The following PDE8A variants were observed in gnomAD, a reference collection of about 807,000 sequenced individuals.
PDE8A encodes the protein high affinity cAMP-specific and IBMX-insensitive 3',5'-cyclic phosphodiesterase 8A.
Under a neutral mutation model 105.0 loss-of-function variants are expected in PDE8A, and 59 were observed. The observed-to-expected ratio is 0.56, with a 90% confidence interval of 0.46 to 0.70. PDE8A has a LOEUF of 0.70. PDE8A is among the 30% of genes least tolerant of loss of function. The pLI, the probability that PDE8A is intolerant of heterozygous loss-of-function variation, is 0.00. For synonymous variants in PDE8A, 355 were observed against 371.9 expected (o/e 0.95, Z 0.52); for missense variants, 1,014 against 1,045.9 (o/e 0.97, Z 0.42).
chr15:85,119,504 A>G (rs1401675685), intron 17 of PDE8A, among the ~76,000 whole-genome samples: 1 of 149,200 alleles, frequency 6.7e-6, no homozygotes, highest in East Asian at 2.0e-4. Flanking sequence ...TGTAATTCAC[A>G]TACCATACTA....
intron 1 of PDE8A, among the ~76,000 whole-genome samples, chr15:85,014,231 C>G (rs893323139): frequency 1.1e-4 from 16 of 152,032 alleles, no homozygotes; most frequent in African/African-American, 3.4e-4. Context: ...AATGCAGCCT[C>G]GAACTCCTGG....
intron 3 of PDE8A, among the ~76,000 whole-genome samples, 166 bp downstream of exon 3, chr15:85,067,370 T>C (rs1222830746): frequency 6.6e-6 from 1 of 152,228 alleles, no homozygotes; most frequent in South Asian, 2.1e-4. Flanking sequence ...GCATATCTCT[T>C]TTGTTTTGTC....
Position 85,120,948 on chromosome 15 carries a change from A to G in PDE8A, c.1886A>G (p.His629Arg), listed in dbSNP as rs1051356617. Residue 629 changes from histidine to arginine, a missense_variant, in exon 18 of 22, where the codon CAT becomes CGT. By Grantham distance (29) the His-to-Arg change is conservative. Transcript: ENST00000394553. ...YNDTAVLESH[H>R]AALAFQLTTG... ...GACACTGCTGTGCTGGAGAGCCACC[A>G]TGCGGCCTTGGCCTTCCAGCTGACC... The G allele has an allele frequency of 5.6e-6, 9 of 1,614,176 alleles. No homozygotes were observed. Among genetic ancestry groups the G allele is most frequent in the Non-Finnish European group, 7.6e-6 (9 of 1,180,008 alleles).
intron 11 of PDE8A, among the ~76,000 whole-genome samples, chr15:85,104,231 G>A (rs1181900983): frequency 2.6e-5 from 4 of 152,164 alleles, no homozygotes; most frequent in African/African-American, 7.2e-5. Context: ...TGAATATGCT[G>A]TGGTTTGTAG....
chr15:85,010,435 A>G (rs2080221031), intron 1 of PDE8A, among the ~76,000 whole-genome samples: 1 of 152,194 alleles, frequency 6.6e-6, no homozygotes, highest in African/African-American at 2.4e-5. Context: ...TGGAAACCTT[A>G]TCTGATAAGC....
At chr15:85,025,389 T>G (rs2080498563) in intron 1 of PDE8A, among the ~76,000 whole-genome samples, 2 of 151,704 alleles carry the variant, frequency 1.3e-5, no homozygotes, top group South Asian at 4.2e-4. Flanking sequence ...TTCCTGGGAG[T>G]CCTGTCCTAT....
At chr15:85,034,871 C>G (rs1376763682) in intron 1 of PDE8A, among the ~76,000 whole-genome samples, 1 of 152,068 alleles carries the variant, frequency 6.6e-6, no homozygotes, top group Admixed American at 6.6e-5. Context: ...TTAATTTCAT[C>G]ATTTTCATGG....
chr15:85,016,828 T>C (rs2080332276), intron 1 of PDE8A, among the ~76,000 whole-genome samples: 1 of 152,236 alleles, frequency 6.6e-6, no homozygotes, highest in Admixed American at 6.5e-5. Flanking sequence ...CTTGTGGTTT[T>C]TTGGGAGTGT....
chr15:84,982,113 C>G lies in PDE8A; in HGVS notation c.-50C>G. Reference sequence around the variant, plus strand: ...CCGGAGGCGCCGGGTGGGCCGTTTGCTGACCGGATCGCGGCTACCCGCCAG... The same window carrying G: ...CCGGAGGCGCCGGGTGGGCCGTTTGGTGACCGGATCGCGGCTACCCGCCAG... On this transcript the variant is annotated 5_prime_UTR_variant, in exon 1 of 22. Transcript: ENST00000394553. The G allele has an allele frequency of 8.3e-7, 1 of 1,207,758 alleles. No homozygotes were observed. The highest frequency in any genetic ancestry group is 1.0e-6 in the Non-Finnish European group (1 of 964,396). The allele number at this position is 1,207,758 out of a possible 1,614,324, so 74.8% of individuals were successfully genotyped here.
chr15:85,011,119 CTA>C (rs2080232416), intron 1 of PDE8A, among the ~76,000 whole-genome samples: 1 of 152,112 alleles, frequency 6.6e-6, no homozygotes, highest in Admixed American at 6.6e-5. Flanking sequence ...TAAATATCCT[CTA>C]TGTTGATTTT....
At chr15:85,000,706 C>G (rs146460230) in intron 1 of PDE8A, among the ~76,000 whole-genome samples, 2 of 152,338 alleles carry the variant, frequency 1.3e-5, no homozygotes, top group East Asian at 3.9e-4. Context: ...TCCTCCCCAC[C>G]AGGTCCATTT....
At chr15:85,072,070 T>C (rs2081319646) in intron 3 of PDE8A, among the ~76,000 whole-genome samples, 1 of 152,198 alleles carries the variant, frequency 6.6e-6, no homozygotes, top group Admixed American at 6.5e-5. Flanking sequence ...AAATCTATGT[T>C]GAATGCAGAA....
At chr15:85,121,358 G>A (rs892150999) in intron 18 of PDE8A, among the ~76,000 whole-genome samples, 3 of 90,486 alleles carry the variant, frequency 3.3e-5, no homozygotes, top group African/African-American at 5.3e-5. Context: ...CTGAGGCTGC[G>A]GCTGCAGTGA....
Position 85,067,016 on chromosome 15 carries a change from A to G in PDE8A, c.246A>G (p.Val82=). ...GTGTTTGTGCTCTTTTGATTCAGGTACTTTTAGTGTTTACCAAAGAAGATA... is the reference window on the plus strand; with the variant it reads ...GTGTTTGTGCTCTTTTGATTCAGGTGCTTTTAGTGTTTACCAAAGAAGATA... ...PMRFHQDQLQ[V]LLVFTKEDNQ... Residue 82 remains valine (V), a splice_region_variant and synonymous_variant, in exon 3 of 22, where the codon GTA becomes GTG. Coordinates refer to ENST00000394553, the MANE Select transcript of PDE8A (RefSeq NM_002605.3). The G allele has an allele frequency of 1.3e-6, 2 of 1,584,802 alleles. No homozygotes were observed. Among genetic ancestry groups the G allele is most frequent in the Non-Finnish European group, 1.7e-6 (2 of 1,166,030 alleles).
chr15:85,075,950 A>T, intron 4 of PDE8A, 32 bp downstream of exon 4: 1 of 1,246,908 alleles, frequency 8.0e-7, no homozygotes, highest in Non-Finnish European at 1.2e-6. Context: ...GTTGAAATTG[A>T]GGTACCAGTG....
chr15:85,025,589 C>T (rs72757023), intron 1 of PDE8A, among the ~76,000 whole-genome samples: 3 of 152,276 alleles, frequency 2.0e-5, no homozygotes, highest in South Asian at 2.1e-4. Context: ...TATCATCCCC[C>T]CTCTTTTTTA....
At chr15:84,991,225 G>A (rs1596411221) in intron 1 of PDE8A, among the ~76,000 whole-genome samples, 1 of 152,104 alleles carries the variant, frequency 6.6e-6, no homozygotes. Context: ...CGGCAGACTG[G>A]AAGAAGACAT....
intron 11 of PDE8A, among the ~76,000 whole-genome samples, chr15:85,103,861 C>T (rs1223507576): frequency 6.6e-6 from 1 of 152,166 alleles, no homozygotes; most frequent in Admixed American, 6.5e-5. Flanking sequence ...CACTCAAAAG[C>T]AGACTCTTGG....
chr15:85,021,140 C>A (rs537139375), intron 1 of PDE8A, among the ~76,000 whole-genome samples: 1 of 152,120 alleles, frequency 6.6e-6, no homozygotes, highest in South Asian at 2.1e-4. Flanking sequence ...TTCTCCTGTC[C>A]GCCTTGTAAG....
Sources: allele counts gnomAD v4.1 joint callset (sites outside exome capture counted in the v4.1 genomes callset), GRCh38; gene constraint gnomAD v4.1.1; transcripts MANE v1.5; gene names NCBI Gene and HGNC (gene_info 2026-07-23, HGNC 2026-07-21).